The following ECHS1 variants were observed in gnomAD, a reference collection of about 807,000 sequenced individuals.
ECHS1 encodes enoyl-CoA hydratase, mitochondrial.
Under a neutral mutation model 33.5 loss-of-function variants are expected in ECHS1, and 19 were observed. The ratio of observed to expected loss-of-function variants is 0.57; its 90% CI spans 0.40 to 0.83. The LOEUF (loss-of-function observed/expected upper bound fraction) is 0.83. ECHS1 is among the 40% of genes least tolerant of loss of function. ECHS1 has a pLI of 0.00. For synonymous variants in ECHS1, 158 were observed against 146.6 expected (o/e 1.08, Z -0.56); for missense variants, 365 against 381.3 (o/e 0.96, Z 0.36).
intron 4 of ECHS1, among the ~76,000 whole-genome samples, 161 bp downstream of exon 4, chr10:133,368,762 A>C (rs568420783): frequency 6.6e-6 from 1 of 152,216 alleles, no homozygotes; most frequent in South Asian, 2.1e-4. Context: ...CTCTGTCACA[A>C]CCACTCTAGC....
At chr10:133,363,380 C>CACACACGCATCTGT (rs1554885609) in intron 7 of ECHS1, among the ~76,000 whole-genome samples, 17 of 151,198 alleles carry the variant, frequency 1.1e-4, no homozygotes, top group South Asian at 4.2e-4. Context: ...CACACACACA[C>CACACACGCATCTGT]ACACGCATCT....
chr10:133,368,047 C>G (rs552942195), intron 4 of ECHS1, among the ~76,000 whole-genome samples: 1 of 152,220 alleles, frequency 6.6e-6, no homozygotes, highest in East Asian at 1.9e-4. Flanking sequence ...TCCCCCAGGC[C>G]CAGCTGTTTT....
chr10:133,362,601 C>T lies in ECHS1; in HGVS notation c.*267G>A. 1 of 513,140 alleles carries T rather than the reference C, an allele frequency of 1.9e-6. No homozygotes were observed. Among genetic ancestry groups the T allele is most frequent in the Non-Finnish European group, 3.5e-6 (1 of 284,642 alleles). The allele number at this position is 513,140 out of a possible 1,614,324, so 31.8% of individuals were successfully genotyped here. On this transcript the variant is annotated 3_prime_UTR_variant, in exon 8 of 8. Coordinates refer to ENST00000368547, the MANE Select transcript of ECHS1 (RefSeq NM_004092.4). Reference sequence around the variant, plus strand: ...CACAAGGACCCGCAGGCCCCGCTTTCCGTCCGAGCACAGCATGCCCAGAGG... The same window carrying T: ...CACAAGGACCCGCAGGCCCCGCTTTTCGTCCGAGCACAGCATGCCCAGAGG...
chr10:133,371,546 G>C (rs1173584842), intron 1 of ECHS1: 1 of 154,560 alleles, frequency 6.5e-6, no homozygotes, highest in African/African-American at 2.4e-5. Flanking sequence ...GAAAATCCTG[G>C]GTGTTCCTGC....
chr10:133,368,957 A>G lies in ECHS1; in HGVS notation c.480T>C (p.Phe160=), dbSNP rs773266371. The change falls in exon 4 of 8, where the codon TTT becomes TTC. Residue 160 remains phenylalanine, a synonymous_variant. Coordinates refer to ENST00000368547, the MANE Select transcript of ECHS1 (RefSeq NM_004092.4). The part of the protein sequence containing the change: ...DIIYAGEKAQ[F]AQPEILIGTI... ...TTCCTATTAAGATCTCCGGCTGTGC[A>G]AACTGGGCCTTCTCACCGGCATAGA... is the stretch of plus-strand genomic sequence containing the variant. 4 of 1,613,766 alleles carry G rather than the reference A, an allele frequency of 2.5e-6. No homozygotes were observed. The highest frequency in any genetic ancestry group is 3.4e-6 in the Non-Finnish European group (4 of 1,179,928).
At chr10:133,369,349 G>A (rs1008796302) in intron 3 of ECHS1, among the ~76,000 whole-genome samples, 1 of 29,674 alleles carries the variant, frequency 3.4e-5, no homozygotes, top group African/African-American at 5.7e-5. Flanking sequence ...AACTCCATCC[G>A]CAGACCCCTG....
At chr10:133,363,953 A>T (rs761205956) in intron 7 of ECHS1, among the ~76,000 whole-genome samples, 3 of 142,224 alleles carry the variant, frequency 2.1e-5, no homozygotes, top group Non-Finnish European at 4.5e-5. Flanking sequence ...AATGAGTTAC[A>T]TTTTTTTTTT....
intron 4 of ECHS1, among the ~76,000 whole-genome samples, chr10:133,368,418 G>A (rs1849060065): frequency 6.6e-6 from 1 of 152,110 alleles, no homozygotes; most frequent in African/African-American, 2.4e-5. Context: ...CTCCCTCCTG[G>A]CTGCTCGGCC....
chr10:133,369,900 T>A lies in ECHS1; in HGVS notation c.414+4A>T, dbSNP rs1475408091. 1.2e-6 allele frequency: 2 copies of A among 1,613,112 alleles called. No individual in the cohort carries two copies. The highest frequency in any genetic ancestry group is 1.7e-6 in the Non-Finnish European group (2 of 1,179,852). Reference sequence around the variant, plus strand: ...AGGAGGAGACTCTTGGCAGCAACACTCACGGCATAGCCATTGACAGCAGCG... The same window carrying A: ...AGGAGGAGACTCTTGGCAGCAACACACACGGCATAGCCATTGACAGCAGCG... On this transcript the variant is annotated splice_donor_region_variant and intron_variant, in intron 3 of 7. Transcript: ENST00000368547.
At chr10:133,363,635 T>G (rs1848994708) in intron 7 of ECHS1, among the ~76,000 whole-genome samples, 1 of 151,980 alleles carries the variant, frequency 6.6e-6, no homozygotes, top group South Asian at 2.1e-4. Flanking sequence ...AATACAAAAA[T>G]TAGCCAGGTG....
intron 5 of ECHS1, among the ~76,000 whole-genome samples, chr10:133,366,661 C>A (rs1314049742): frequency 2.0e-5 from 3 of 151,354 alleles, no homozygotes; most frequent in African/African-American, 7.3e-5. Flanking sequence ...GGGGCTCCCC[C>A]ATGGGGGACA....
intron 1 of ECHS1, among the ~76,000 whole-genome samples, chr10:133,372,395 C>A (rs1849120648): frequency 6.6e-6 from 1 of 152,208 alleles, no homozygotes; most frequent in Non-Finnish European, 1.5e-5. Context: ...AGGGCAGCCC[C>A]CTGTGGCTGG....
At chr10:133,365,895 T>G in intron 6 of ECHS1, 81 bp downstream of exon 6, 1 of 1,550,718 alleles carries the variant, frequency 6.4e-7, no homozygotes, top group Non-Finnish European at 8.8e-7. Flanking sequence ...CATATTCATT[T>G]GGAGCCAGAA....
At chr10:133,372,499 G>A (rs1283491913) in intron 1 of ECHS1, among the ~76,000 whole-genome samples, 1 of 152,286 alleles carries the variant, frequency 6.6e-6, no homozygotes, top group African/African-American at 2.4e-5. Context: ...TCCTGTTCTC[G>A]GGCTGGCCGG....
In ECHS1 at chr10:133,370,553, C is replaced by A. The variant is rs368743166; in HGVS notation, c.286+7G>T. Reference sequence around the variant, plus strand: ...CCAGACACAAAGGCCTCTGCTGCCGCGCGTACCTGCAAAGGCCTTATCCCC... The same window carrying A: ...CCAGACACAAAGGCCTCTGCTGCCGAGCGTACCTGCAAAGGCCTTATCCCC... On this transcript the variant is annotated splice_region_variant and intron_variant, in intron 2 of 7. Transcript: ENST00000368547. 4 of 1,545,858 alleles carry A rather than the reference C, an allele frequency of 2.6e-6. No individual in the cohort carries two copies. In the South Asian group the frequency reaches 3.6e-5, roughly 14 times the overall value.
intron 7 of ECHS1, among the ~76,000 whole-genome samples, chr10:133,363,259 C>G (rs1400826670): frequency 2.0e-5 from 3 of 152,216 alleles, no homozygotes; most frequent in Admixed American, 6.5e-5. Context: ...TGGCCTGTAT[C>G]AGGGGCTACT....
In ECHS1 at chr10:133,362,969, G is replaced by A. The variant is rs45506491; in HGVS notation, c.808-36C>T. On this transcript the variant is annotated intron_variant, in intron 7 of 7. Transcript: ENST00000368547. ...AAGGAACAGAAACAGAGCTGGACGCGCAGTATCCTCACAGAGCCTGATGCC... is the reference window on the plus strand; with the variant it reads ...AAGGAACAGAAACAGAGCTGGACGCACAGTATCCTCACAGAGCCTGATGCC... 4,759 of 1,608,450 alleles carry A rather than the reference G, an allele frequency of 3.0e-3. 7 individuals carry two copies. Among genetic ancestry groups the A allele is most frequent in the Non-Finnish European group, 3.8e-3 (4,497 of 1,175,410 alleles).
Position 133,370,649 on chromosome 10 carries a change from A to G in ECHS1, c.197T>C (p.Ile66Thr), listed in dbSNP as rs371063211. The G allele has an allele frequency of 4.3e-6, 7 of 1,613,030 alleles. No homozygotes were observed. The highest frequency in any genetic ancestry group is 1.3e-5 in the African/African-American group (1 of 74,944). Residue 66 changes from isoleucine to threonine, a missense_variant, in exon 2 of 8, where the codon ATT becomes ACT. Transcript: ENST00000368547. ...KALNALCDGL[I>T]DELNQALKTF... ...CTTCAGGGCCTGGTTGAGCTCGTCA[A>G]TCAGGCCATCGCAAAGTGCATTGAG...
chr10:133,372,479 C>A (rs1228483524), intron 1 of ECHS1, among the ~76,000 whole-genome samples: 1 of 152,198 alleles, frequency 6.6e-6, no homozygotes, highest in Non-Finnish European at 1.5e-5. Flanking sequence ...GGACAAAATG[C>A]ACCTGCATCT....
Sources: allele counts gnomAD v4.1 joint callset (sites outside exome capture counted in the v4.1 genomes callset), GRCh38; gene constraint gnomAD v4.1.1; transcripts MANE v1.5; gene names NCBI Gene and HGNC (gene_info 2026-07-23, HGNC 2026-07-21).